The following WIZ variants were observed in gnomAD, a reference collection of about 807,000 sequenced individuals.
The protein encoded by WIZ is protein Wiz.
In WIZ, 25 loss-of-function variants were observed where a neutral mutation model predicts 140.2. The ratio of observed to expected loss-of-function variants is 0.18; its 90% CI spans 0.13 to 0.25. WIZ has a LOEUF of 0.25. WIZ is among the 10% of genes least tolerant of loss of function. The probability of loss-of-function intolerance (pLI) is 1.00; values close to 1 mark genes in which losing one functional copy is unlikely to be tolerated. For missense variants in WIZ, 2,231 were observed against 2,632.6 expected (o/e 0.85, Z 3.34); for synonymous variants, 1,125 against 1,154.3 (o/e 0.97, Z 0.51).
chr19:15,443,141 G>A (rs986383661), intron 2 of WIZ, among the ~76,000 whole-genome samples: 2 of 152,146 alleles, frequency 1.3e-5, no homozygotes, highest in African/African-American at 2.4e-5. Flanking sequence ...GCACAATCTC[G>A]GCTCACTGCA....
At chr19:15,433,661 A>G (rs747332036) in intron 5 of WIZ, among the ~76,000 whole-genome samples, 1 of 152,140 alleles carries the variant, frequency 6.6e-6, no homozygotes, top group Non-Finnish European at 1.5e-5. Flanking sequence ...CCATCCTCAG[A>G]GCCAGCTCTG....
At chr19:15,444,732 G>A (rs1197497954) in intron 2 of WIZ, among the ~76,000 whole-genome samples, 1 of 152,182 alleles carries the variant, frequency 6.6e-6, no homozygotes, top group Non-Finnish European at 1.5e-5. Flanking sequence ...TAGAGAACAT[G>A]TGAGTCATAG....
In WIZ at chr19:15,420,450, T is replaced by G. The variant is rs1968326808; in HGVS notation, c.*2626A>C. On this transcript the variant is annotated 3_prime_UTR_variant, in exon 13 of 13. Transcript: ENST00000673675. ...TCTCCCCATCAGCCTCAGGGATGCC[T>G]GCCTGTCTTCCAAACCAAGGCAGGG... The G allele has an allele frequency of 6.6e-6, 1 of 152,222 alleles. No homozygotes were observed. Among genetic ancestry groups the G allele is most frequent in the Non-Finnish European group, 1.5e-5 (1 of 68,040 alleles). 9.4% of individuals were successfully genotyped at this position (152,222 alleles called of 1,614,324 possible).
intron 5 of WIZ, chr19:15,432,498 C>T: frequency 1.1e-6 from 1 of 894,208 alleles, no homozygotes; most frequent in Non-Finnish European, 1.3e-6. Context: ...CGTCCCGCGG[C>T]GGCGGTGGCG....
rs1363635469 is a variant in WIZ at position 15,420,232 on chromosome 19, T to G, written c.*2844A>C. 6.6e-6 allele frequency: 1 copy of G among 152,224 alleles called. No individual in the cohort carries two copies. Among genetic ancestry groups the G allele is most frequent in the Non-Finnish European group, 1.5e-5 (1 of 68,060 alleles). 9.4% of individuals were successfully genotyped at this position (152,224 alleles called of 1,614,324 possible). On this transcript the variant is annotated 3_prime_UTR_variant, in exon 13 of 13. Transcript: ENST00000673675. The stretch of plus-strand genomic sequence containing the variant: ...GGTGATGGATAGATGAGAGTCCATT[T>G]TACTGTTTGCTCTACTTTTGTATAG...
chr19:15,444,450 G>T (rs529781394), intron 2 of WIZ, among the ~76,000 whole-genome samples: 236 of 152,286 alleles, frequency 1.5e-3, no homozygotes, highest in Non-Finnish European at 1.8e-3. Flanking sequence ...TTCTGGGGTG[G>T]GGTCCATCCT....
rs142793775 is a variant in WIZ at position 15,444,770 on chromosome 19, C to T, written c.206-2022G>A. Among the ~76,000 whole-genome samples, 702 of 152,242 alleles carry T rather than the reference C, an allele frequency of 4.6e-3. 5 individuals are homozygous for T. Among genetic ancestry groups the T allele is most frequent in the Non-Finnish European group, 7.8e-3 (529 of 68,004 alleles). The stretch of plus-strand genomic sequence containing the variant: ...TTGACTTTTTTCAGGAGAGGGCAGC[C>T]GGTTCACATATAACCTGCCCTAGCA... On this transcript the variant is annotated intron_variant, in intron 2 of 12. Transcript: ENST00000673675.
chr19:15,422,948 G>A lies in WIZ; in HGVS notation c.*128C>T. ...TGGCTGTAGTGTGCCCGGCCCCCAA[G>A]GGGCGCCGGTTTGAGGTTTTGGCTT... On this transcript the variant is annotated 3_prime_UTR_variant, in exon 13 of 13. Transcript: ENST00000673675. The A allele has an allele frequency of 2.9e-6, 4 of 1,384,166 alleles. No homozygotes were observed. The highest frequency in any genetic ancestry group is 3.8e-6 in the Non-Finnish European group (4 of 1,042,992). The allele number at this position is 1,384,166 out of a possible 1,614,324, so 85.7% of individuals were successfully genotyped here.
rs1001957583 is a variant in WIZ, at chr19:15,419,997, T to A, written c.*3079A>T. On this transcript the variant is annotated 3_prime_UTR_variant, in exon 13 of 13. Transcript: ENST00000673675. ...GCTTCGTGTGTTTTAAAACTTTTTTTAAGGTATGCTGTTTCTTTTTGATAT... is the reference window on the plus strand; with the variant it reads ...GCTTCGTGTGTTTTAAAACTTTTTTAAAGGTATGCTGTTTCTTTTTGATAT... 2 of 144,876 alleles carry A rather than the reference T, an allele frequency of 1.4e-5. No individual in the cohort carries two copies. The highest frequency in any genetic ancestry group is 2.5e-5 in the African/African-American group (1 of 39,632). The allele number at this position is 144,876 out of a possible 1,614,324, so 9.0% of individuals were successfully genotyped here.
At chr19:15,437,499 T>TA (rs34252673) in intron 4 of WIZ, among the ~76,000 whole-genome samples, 2 of 152,090 alleles carry the variant, frequency 1.3e-5, no homozygotes, top group Admixed American at 1.3e-4. Flanking sequence ...CCCATCTCTA[T>TA]AAAAAAATTA....
Position 15,440,653 on chromosome 19 carries a change from T to C in WIZ, c.341A>G (p.His114Arg). Residue 114 changes from histidine (H) to arginine (R), a missense_variant, in exon 4 of 13, where the codon CAT becomes CGT. His to Arg is a conservative substitution (Grantham distance 29). Coordinates refer to ENST00000673675, the MANE Select transcript of WIZ (RefSeq NM_001371589.1). This position sits in a 1 kb window ranked among gnomAD's most constrained non-coding sequence, Gnocchi z 6.2. ...PGSPPPHLLG[H>R]FPGTPDGRGP... ...CCGGCCATCAGGGGTACCTGGGAAA[T>C]GGCCCAGGAGATGGGGTGGTGGGGA... 1 of 1,528,822 alleles carries C rather than the reference T, an allele frequency of 6.5e-7. No individual in the cohort carries two copies. The highest frequency in any genetic ancestry group is 8.8e-7 in the Non-Finnish European group (1 of 1,141,404). 94.7% of individuals were successfully genotyped at this position (1,528,822 alleles called of 1,614,324 possible).
rs576303899 is a variant in WIZ, at chr19:15,439,805, G to A, written c.1189C>T (p.Arg397Trp). Residue 397 changes from arginine (R) to tryptophan (W), a missense_variant, in exon 4 of 13, where the codon CGG becomes TGG. By Grantham distance (101) the Arg-to-Trp change is moderately radical. This residue lies in a region of WIZ where 475 missense variants were observed against 520.2 expected (regional missense o/e 0.91). Transcript: ENST00000673675. The surrounding 1 kb of genome is among the most constrained non-coding windows in gnomAD (Gnocchi z 7.0). ...KLKQVPGDEG[R>W]EARLQCPKCV... ...TTAGGGCACTGCAGCCGTGCCTCCC[G>A]GCCCTCGTCTCCTGGAACTTGCTTC... is the stretch of plus-strand genomic sequence containing the variant. The A allele has an allele frequency of 1.2e-5, 18 of 1,521,430 alleles. No homozygotes were observed. In the Admixed American group the frequency reaches 1.2e-4, roughly 10 times the overall value. The allele number at this position is 1,521,430 out of a possible 1,614,324, so 94.2% of individuals were successfully genotyped here.
In WIZ at chr19:15,420,999, C is replaced by G. The variant is rs1968347138; in HGVS notation, c.*2077G>C. On this transcript the variant is annotated 3_prime_UTR_variant, in exon 13 of 13. Transcript: ENST00000673675. ...GGGGTGGTGGTGCATGCCTGTGATC[C>G]CAGCTACCTGGATGGCTGAGGCAGG... 1 of 152,086 alleles carries G rather than the reference C, an allele frequency of 6.6e-6. No homozygotes were observed. Among genetic ancestry groups the G allele is most frequent in the Non-Finnish European group, 1.5e-5 (1 of 68,042 alleles). The allele number at this position is 152,086 out of a possible 1,614,324, so 9.4% of individuals were successfully genotyped here. A position where few individuals can be genotyped will look rare whatever the true frequency, so the allele number is the denominator to read the frequency against.
At chr19:15,433,350 C>T (rs2145320218) in intron 5 of WIZ, 1 of 985,438 alleles carries the variant, frequency 1.0e-6, no homozygotes, top group Non-Finnish European at 1.2e-6. Flanking sequence ...CGGAACATTG[C>T]CCCGCCCCCA....
chr19:15,429,788 G>A lies in WIZ; in HGVS notation c.3213C>T (p.Ile1071=). 6.6e-7 allele frequency: 1 copy of A among 1,519,768 alleles called. No homozygotes were observed. Among genetic ancestry groups the A allele is most frequent in the Non-Finnish European group, 8.8e-7 (1 of 1,136,228 alleles). The allele number at this position is 1,519,768 out of a possible 1,614,324, so 94.1% of individuals were successfully genotyped here. A position where few individuals can be genotyped will look rare whatever the true frequency, so the allele number is the denominator to read the frequency against. The part of the protein sequence containing the change: ...PLDAPAVNKA[I]KSPPGFSAKG... Reference sequence around the variant, plus strand: ...TGGCCGAGAAGCCGGGAGGCGACTTGATGGCTTTGTTGACAGCAGGGGCAT... The same window carrying A: ...TGGCCGAGAAGCCGGGAGGCGACTTAATGGCTTTGTTGACAGCAGGGGCAT... The change falls in exon 7 of 13, where the codon ATC becomes ATT. Residue 1071 remains isoleucine, a synonymous_variant. Transcript: ENST00000673675.
In WIZ at chr19:15,428,838, C is replaced by T. The variant is rs1364940967; in HGVS notation, c.3416-330G>A. 6.6e-6 allele frequency among the ~76,000 whole-genome samples: 1 copy of T among 152,138 alleles called. No individual in the cohort carries two copies. Among genetic ancestry groups the T allele is most frequent in the Admixed American group, 6.5e-5 (1 of 15,282 alleles). ...GATGGTGGCTGCTGGGCTCACGCAG[C>T]CAAGGGCACACCTGCTCAAGGCCCT... On this transcript the variant is annotated intron_variant, in intron 7 of 12. Coordinates refer to ENST00000673675, the MANE Select transcript of WIZ (RefSeq NM_001371589.1). The surrounding 1 kb of genome is among the most constrained non-coding windows in gnomAD (Gnocchi z 6.4).
At chr19:15,447,176 TG>T (rs571081335) in intron 2 of WIZ, among the ~76,000 whole-genome samples, 2 of 151,534 alleles carry the variant, frequency 1.3e-5, no homozygotes, top group African/African-American at 2.4e-5. Context: ...GAGATGGGGG[TG>T]GGGGGTGTGA....
rs1256245916 is a variant in WIZ at position 15,438,671 on chromosome 19, C to G, written c.2323G>C (p.Val775Leu). The G allele has an allele frequency of 6.5e-7, 1 of 1,535,974 alleles. No homozygotes were observed. Among genetic ancestry groups the G allele is most frequent in the Non-Finnish European group, 8.7e-7 (1 of 1,146,824 alleles). The change falls in exon 4 of 13, where the codon GTG (valine) becomes CTG (leucine). Residue 775 changes from valine to leucine, a missense_variant. Val to Leu is a conservative substitution (Grantham distance 32). Coordinates refer to ENST00000673675, the MANE Select transcript of WIZ (RefSeq NM_001371589.1). ...ANHVRGHLNR[V>L]GVSYNVRHFI... ...TGGCGCACATTGTAGCTGACGCCCA[C>G]GCGGTTCAGGTGGCCCCGGACGTGG...
chr19:15,424,522 C>T lies in WIZ; in HGVS notation c.5314+91G>A. ...AATGGGTAAGCAACTGGAGAAAGGA[C>T]TTAAGGGCCACAGCAGAGCGCCTGG... On this transcript the variant is annotated intron_variant, in intron 11 of 12. Transcript: ENST00000673675. The surrounding 1 kb of genome is among the most constrained non-coding windows in gnomAD (Gnocchi z 9.7). 1 of 1,531,644 alleles carries T rather than the reference C, an allele frequency of 6.5e-7. No individual in the cohort carries two copies. Among genetic ancestry groups the T allele is most frequent in the African/African-American group, 1.4e-5 (1 of 71,702 alleles). The allele number at this position is 1,531,644 out of a possible 1,614,324, so 94.9% of individuals were successfully genotyped here.
Sources: allele counts gnomAD v4.1 joint callset (sites outside exome capture counted in the v4.1 genomes callset), GRCh38; gene constraint gnomAD v4.1.1; regional missense constraint gnomAD v4.1.1; non-coding constraint Gnocchi (gnomAD v3.1); transcripts MANE v1.5; gene names NCBI Gene and HGNC (gene_info 2026-07-23, HGNC 2026-07-21).